The following UBXN2A variants were observed in gnomAD, a reference collection of about 807,000 sequenced individuals.
UBXN2A encodes UBX domain-containing protein 2A.
In UBXN2A, 28 loss-of-function variants were observed where a neutral mutation model predicts 28.4. The observed-to-expected ratio is 0.99, with a 90% CI of 0.73 to 1.35. The LOEUF is 1.35. Among genes scored for constraint, UBXN2A ranks in the 40% most tolerant of loss-of-function variants. The pLI, the probability that UBXN2A is intolerant of heterozygous loss-of-function variation, is 0.00. For missense variants in UBXN2A, 253 were observed against 297.9 expected (o/e 0.85, Z 1.11); for synonymous variants, 97 against 103.6 (o/e 0.94, Z 0.39).
chr2:23,982,895 G>A lies in UBXN2A; in HGVS notation c.288-1G>A, dbSNP rs915399723. 6.3e-7 allele frequency: 1 copy of A among 1,585,886 alleles called. No homozygotes were observed. Among genetic ancestry groups the A allele is most frequent in the Non-Finnish European group, 8.6e-7 (1 of 1,168,424 alleles). Reference sequence around the variant, plus strand: ...ATCATTTTCTTTCTTTGTTTTCCAAGGGAATTACCTTCAGAATTACAGGGA... The same window carrying A: ...ATCATTTTCTTTCTTTGTTTTCCAAAGGAATTACCTTCAGAATTACAGGGA... On this transcript the variant is annotated splice_acceptor_variant, in intron 4 of 6. Coordinates refer to ENST00000309033, the MANE Select transcript of UBXN2A (RefSeq NM_181713.4). LOFTEE classifies it high-confidence loss of function.
chr2:23,929,029 C>A (rs147642485), intron 1 of UBXN2A, among the ~76,000 whole-genome samples: 1 of 152,264 alleles, frequency 6.6e-6, no homozygotes, highest in East Asian at 1.9e-4. Flanking sequence ...GTAGCTCACA[C>A]CTGTATTCTC....
Position 24,002,464 on chromosome 2 carries a change from G to C in UBXN2A, c.*2597G>C, listed in dbSNP as rs1708740910. On this transcript the variant is annotated 3_prime_UTR_variant, in exon 7 of 7. Transcript: ENST00000309033. ...TTTGCTCTTTCCCCCAGACTAGAGT[G>C]CAATGGCGCGATCTTGGCTCACTGC... 6.6e-6 allele frequency: 1 copy of C among 151,770 alleles called. No individual in the cohort carries two copies. The highest frequency in any genetic ancestry group is 1.5e-5 in the Non-Finnish European group (1 of 68,032). 9.4% of individuals were successfully genotyped at this position (151,770 alleles called of 1,614,324 possible).
At chr2:23,992,855 C>G (rs994434627) in intron 6 of UBXN2A, among the ~76,000 whole-genome samples, 1 of 152,088 alleles carries the variant, frequency 6.6e-6, no homozygotes, top group Non-Finnish European at 1.5e-5. Context: ...ATATATTTAT[C>G]TGTGTGTGTA....
chr2:23,927,399 A>T (rs1705068487), exon 1 of UBXN2A: 1 of 153,158 alleles, frequency 6.5e-6, no homozygotes, highest in African/African-American at 2.4e-5. Context: ...AATGCCCCAG[A>T]CCCCACCGTC....
chr2:23,999,671 G>C lies in UBXN2A; in HGVS notation c.585-1G>C. 6.2e-7 allele frequency: 1 copy of C among 1,611,908 alleles called. No homozygotes were observed. The highest frequency in any genetic ancestry group is 8.5e-7 in the Non-Finnish European group (1 of 1,179,548). On this transcript the variant is annotated splice_acceptor_variant, in intron 6 of 6. Coordinates refer to ENST00000309033, the MANE Select transcript of UBXN2A (RefSeq NM_181713.4). LOFTEE classifies it high-confidence loss of function. Reference sequence around the variant, plus strand: ...TATTAATAGTTTTTGCTGTTTTACAGAGTAAGCCATATCAAAGACTTCATT... The same window carrying C: ...TATTAATAGTTTTTGCTGTTTTACACAGTAAGCCATATCAAAGACTTCATT...
At position 23,997,735 on chromosome 2, in the gene UBXN2A, C is replaced by T. The variant is rs150675574; in HGVS notation, c.585-1937C>T. Among the ~76,000 whole-genome samples, 40 of 151,992 alleles carry T rather than the reference C, an allele frequency of 2.6e-4. 1 individual carries two copies. The highest frequency in any genetic ancestry group is 8.4e-4 in the African/African-American group (35 of 41,466). On this transcript the variant is annotated intron_variant, in intron 6 of 6. Transcript: ENST00000309033. ...TGCTGGGATTACAGGTGTGAGCCACCGTACCCGGCCTCTAAAGCCTTTATA... is the reference window on the plus strand; with the variant it reads ...TGCTGGGATTACAGGTGTGAGCCACTGTACCCGGCCTCTAAAGCCTTTATA...
At chr2:23,993,705 TC>T (rs1185864432) in intron 6 of UBXN2A, among the ~76,000 whole-genome samples, 7 of 114,210 alleles carry the variant, frequency 6.1e-5, no homozygotes, top group African/African-American at 2.0e-4. Context: ...TTTTTTTTTT[TC>T]AAGACAGAGT....
upstream of UBXN2A, chr2:23,939,554 G>A (rs928097774): frequency 1.3e-5 from 2 of 152,666 alleles, no homozygotes; most frequent in Non-Finnish European, 2.9e-5. Context: ...TGGATGAGGA[G>A]GGCTGCTCGC....
intron 1 of UBXN2A, among the ~76,000 whole-genome samples, chr2:23,935,421 T>A (rs1247031136): frequency 6.6e-6 from 1 of 151,792 alleles, no homozygotes; most frequent in Non-Finnish European, 1.5e-5. Flanking sequence ...TATTTGAAAA[T>A]TCGCAAGGAG....
At chr2:23,960,848 T>C (rs1201344101) in intron 2 of UBXN2A, among the ~76,000 whole-genome samples, 1 of 152,168 alleles carries the variant, frequency 6.6e-6, no homozygotes, top group Non-Finnish European at 1.5e-5. Context: ...TTGGCCAGTC[T>C]GGTCTCAAAC....
Position 23,971,297 on chromosome 2 carries a change from TAATC to T in UBXN2A, c.66_69del (p.Gln23LeufsTer38). ...TTAGGGTTTGTGAAACAGGATCTGA[TAATC>T]AACCTCTTGGTAATAATCAACAATC... On this transcript the variant is annotated frameshift_variant, in exon 3 of 7. Coordinates refer to ENST00000309033, the MANE Select transcript of UBXN2A (RefSeq NM_181713.4). LOFTEE classifies it high-confidence loss of function. 17 of 1,568,548 alleles carry T rather than the reference TAATC, an allele frequency of 1.1e-5. No individual in the cohort carries two copies. The highest frequency in any genetic ancestry group is 1.5e-5 in the Non-Finnish European group (17 of 1,147,470).
chr2:23,998,755 G>C (rs1182597090), intron 6 of UBXN2A, among the ~76,000 whole-genome samples: 2 of 151,654 alleles, frequency 1.3e-5, no homozygotes, highest in Admixed American at 1.3e-4. Context: ...TTTGAGACAG[G>C]GTCTCACCCT....
chr2:23,947,403 A>G (rs1706141129), intron 1 of UBXN2A, among the ~76,000 whole-genome samples: 1 of 152,204 alleles, frequency 6.6e-6, no homozygotes, highest in South Asian at 2.1e-4. Flanking sequence ...AAGTAGACCG[A>G]AGAAAAATGA....
chr2:23,935,576 C>G (rs1182872852), upstream of UBXN2A, among the ~76,000 whole-genome samples: 1 of 152,170 alleles, frequency 6.6e-6, no homozygotes, highest in Non-Finnish European at 1.5e-5. Flanking sequence ...TAGTTATAAA[C>G]ACACATACAC....
intron 6 of UBXN2A, among the ~76,000 whole-genome samples, chr2:23,998,640 G>A (rs780260414): frequency 4.1e-4 from 62 of 152,276 alleles, no homozygotes; most frequent in Admixed American, 7.8e-4. Flanking sequence ...AGAATTGCTT[G>A]AACCCGGGAG....
Position 23,965,898 on chromosome 2 carries a change from G to A in UBXN2A, c.42-5378G>A, listed in dbSNP as rs1434739620. On this transcript the variant is annotated intron_variant, in intron 2 of 6. Coordinates refer to ENST00000309033, the MANE Select transcript of UBXN2A (RefSeq NM_181713.4). ...GATTTAATTCCCTTAGTATGCATAA[G>A]CCTATTCATATTATCTGTTCCTTCT... Among the ~76,000 whole-genome samples, 3 of 152,100 alleles carry A rather than the reference G, an allele frequency of 2.0e-5. No homozygotes were observed. In the East Asian group the frequency reaches 5.8e-4, roughly 29 times the overall value.
chr2:23,980,662 C>T (rs763625844), intron 4 of UBXN2A, among the ~76,000 whole-genome samples: 5 of 152,124 alleles, frequency 3.3e-5, no homozygotes, highest in Non-Finnish European at 5.9e-5. Flanking sequence ...GAGTCTTGCT[C>T]TGTCGGCGAG....
intron 4 of UBXN2A, among the ~76,000 whole-genome samples, chr2:23,978,962 C>CAA (rs113906713): frequency 0.011 from 1,602 of 139,982 alleles, 17 homozygotes; most frequent in Middle Eastern, 0.04. Context: ...GATTCCATCT[C>CAA]AAAAAAAAAA....
intron 6 of UBXN2A, among the ~76,000 whole-genome samples, chr2:23,985,255 A>AT (rs1278812942): frequency 2.0e-5 from 3 of 150,558 alleles, no homozygotes; most frequent in African/African-American, 7.3e-5. Flanking sequence ...TTATTTATTT[A>AT]TTTATTTTTT....
Sources: gnomAD v4.1 joint callset for allele counts (sites outside exome capture counted in the v4.1 genomes callset) on GRCh38, gnomAD v4.1.1 for gene constraint, MANE v1.5 for transcripts, NCBI Gene and HGNC (gene_info 2026-07-23, HGNC 2026-07-21) for gene names.